The following FGF14 variants were observed in gnomAD, a reference collection of about 807,000 sequenced individuals.
FGF14 encodes fibroblast growth factor homologous factor 4.
A neutral mutation model predicts 25.5 loss-of-function variants in FGF14; 5 were observed. That is an observed-to-expected ratio of 0.20 (90% CI 0.10 to 0.41). FGF14 has a LOEUF of 0.41. Ranked by LOEUF, FGF14 falls within the 10% of genes least tolerant of loss-of-function variation. FGF14 has a pLI of 1.00. For synonymous variants in FGF14, 138 were observed against 118.3 expected, an observed-to-expected ratio of 1.17 and a Z score of -1.08; for missense variants, 222 against 320.1, an observed-to-expected ratio of 0.69 and a Z score of 2.34.
At chr13:102,063,027 G>A (rs1472258682) in intron 1 of FGF14, among the ~76,000 whole-genome samples, 1 of 152,148 alleles carries the variant, frequency 6.6e-6, no homozygotes, top group Non-Finnish European at 1.5e-5. Flanking sequence ...TGTTGCTGTT[G>A]CACTATAGAA....
At chr13:102,297,679 A>C (rs1232532950) in intron 1 of FGF14, among the ~76,000 whole-genome samples, 2 of 151,590 alleles carry the variant, frequency 1.3e-5, no homozygotes, top group African/African-American at 4.8e-5. Flanking sequence ...TTAGCCCAGG[A>C]GTTTGAGACC....
intron 1 of FGF14, among the ~76,000 whole-genome samples, chr13:102,365,923 C>A (rs1594957991): frequency 1.3e-5 from 2 of 152,026 alleles, no homozygotes; most frequent in Non-Finnish European, 1.5e-5. Context: ...ATATTTCCAA[C>A]AATAATATGT....
chr13:102,125,392 C>T (rs1433591769), intron 1 of FGF14, among the ~76,000 whole-genome samples: 2 of 152,044 alleles, frequency 1.3e-5, no homozygotes, highest in Non-Finnish European at 2.9e-5. Flanking sequence ...TGCAGATAAC[C>T]ATTGTTAACA....
intron 1 of FGF14, among the ~76,000 whole-genome samples, chr13:102,108,241 T>A (rs2045027437): frequency 6.6e-6 from 1 of 152,206 alleles, no homozygotes; most frequent in Non-Finnish European, 1.5e-5. Context: ...TTTTTAAAAT[T>A]TTCTTTCCAT....
intron 1 of FGF14, among the ~76,000 whole-genome samples, chr13:102,109,098 AG>A (rs1414152244): frequency 7.2e-5 from 1 of 13,816 alleles, no homozygotes; most frequent in Non-Finnish European, 1.2e-4. Flanking sequence ...ATTTCTAGAG[AG>A]GTCTTTCATC....
At chr13:102,166,607 T>A (rs1480271674) in intron 1 of FGF14, among the ~76,000 whole-genome samples, 2 of 152,152 alleles carry the variant, frequency 1.3e-5, no homozygotes, top group Non-Finnish European at 2.9e-5. Flanking sequence ...GCATAGTGTT[T>A]AAGCGCTTTC....
In FGF14 at chr13:101,975,937, G is replaced by C. The variant is rs992931843; in HGVS notation, c.209-100641C>G. On this transcript the variant is annotated intron_variant, in intron 1 of 4. Coordinates refer to the FGF14 transcript ENST00000376131. ...CACACAAAGTCACAAGAGGGCCGTT[G>C]GGCCTACCAACCACGGCCTGGTTCT... Among the ~76,000 whole-genome samples, 10 of 152,272 alleles carry C rather than the reference G, an allele frequency of 6.6e-5. No individual in the cohort carries two copies. The South Asian group carries it at 2.1e-3, about 32-fold the overall frequency.
rs1420496765 is a variant in FGF14 at position 101,984,162 on chromosome 13, G to A, written c.209-108866C>T. ...AGTAACTGCTATGGAATATGCGCTC[G>A]AAAATGTGACTATATTGATATATTG... On this transcript the variant is annotated intron_variant, in intron 1 of 4. Transcript: ENST00000376131. 2.0e-5 allele frequency among the ~76,000 whole-genome samples: 3 copies of A among 152,186 alleles called. No individual in the cohort carries two copies. In the South Asian group the frequency reaches 6.2e-4, roughly 32 times the overall value.
intron 1 of FGF14, among the ~76,000 whole-genome samples, chr13:101,986,505 A>T (rs908919940): frequency 1.1e-4 from 17 of 152,076 alleles, no homozygotes; most frequent in Non-Finnish European, 2.4e-4. Context: ...ATTTATAGGA[A>T]CCCCAAAGAA....
chr13:102,274,967 G>T (rs1303878349), intron 1 of FGF14, among the ~76,000 whole-genome samples: 2 of 151,542 alleles, frequency 1.3e-5, no homozygotes, highest in African/African-American at 4.8e-5. Flanking sequence ...ATTCAACATG[G>T]TAACAGCATT....
chr13:102,344,430 G>A (rs768929547), intron 1 of FGF14, among the ~76,000 whole-genome samples: 7 of 152,324 alleles, frequency 4.6e-5, no homozygotes, highest in South Asian at 2.1e-4. Context: ...CTAATTAGAT[G>A]TGTAACAACA....
chr13:101,912,059 C>T (rs1194889204), intron 1 of FGF14, among the ~76,000 whole-genome samples: 1 of 150,152 alleles, frequency 6.7e-6, no homozygotes, highest in African/African-American at 2.5e-5. Context: ...AGACGGTAGA[C>T]ACTTGTTTCC....
chr13:102,324,008 G>A (rs1426669969), intron 1 of FGF14, among the ~76,000 whole-genome samples: 1 of 120,124 alleles, frequency 8.3e-6, no homozygotes, highest in Middle Eastern at 4.3e-3. Flanking sequence ...TGTGTGTGTT[G>A]CTGTACATGT....
chr13:102,157,390 A>G (rs1245159677), intron 1 of FGF14, among the ~76,000 whole-genome samples: 1 of 152,246 alleles, frequency 6.6e-6, no homozygotes, highest in Non-Finnish European at 1.5e-5. Context: ...CAAACCTGAC[A>G]AAAACAAGAA....
At chr13:102,067,558 CT>C (rs1362083705) in intron 1 of FGF14, among the ~76,000 whole-genome samples, 8 of 151,320 alleles carry the variant, frequency 5.3e-5, no homozygotes, top group Non-Finnish European at 7.4e-5. Flanking sequence ...CAAGAGCACG[CT>C]TCCCAAGGAA....
chr13:101,744,481 G>C (rs971600163), intron 3 of FGF14, among the ~76,000 whole-genome samples: 18 of 152,124 alleles, frequency 1.2e-4, no homozygotes, highest in African/African-American at 4.3e-4. Flanking sequence ...TATTCAATTA[G>C]AGTGGGGACT....
intron 1 of FGF14, among the ~76,000 whole-genome samples, chr13:101,892,910 T>C (rs757003555): frequency 3.3e-5 from 5 of 152,046 alleles, no homozygotes; most frequent in Non-Finnish European, 7.4e-5. Flanking sequence ...GTCTGTTAAT[T>C]ATACAAAAAA....
intron 1 of FGF14, among the ~76,000 whole-genome samples, chr13:101,903,218 G>A (rs2031793074): frequency 6.6e-6 from 1 of 150,632 alleles, no homozygotes; most frequent in African/African-American, 2.5e-5. Flanking sequence ...ACAGATCAGA[G>A]TTGTGGAGAC....
chr13:102,205,737 C>CA (rs56911320), intron 1 of FGF14, among the ~76,000 whole-genome samples: 54,930 of 133,642 alleles, frequency 0.41, 11,583 homozygotes, highest in African/African-American at 0.6. Flanking sequence ...GGTTGAGAGA[C>CA]AAAAAAAAAA....
Sources: allele counts gnomAD v4.1 joint callset (sites outside exome capture counted in the v4.1 genomes callset), GRCh38; gene constraint gnomAD v4.1.1; transcripts MANE v1.5; gene names NCBI Gene and HGNC (gene_info 2026-07-23, HGNC 2026-07-21).